Variants in LCORL observed in about 807,000 individuals in gnomAD.
LCORL encodes the protein ligand-dependent nuclear receptor corepressor-like protein.
A neutral mutation model predicts 141.8 loss-of-function variants in LCORL; 41 were observed. That is an observed-to-expected ratio of 0.29 (90% confidence interval 0.23 to 0.38). LCORL has a LOEUF of 0.38. Among genes scored for constraint, LCORL ranks in the 10% least tolerant of loss-of-function variants. The probability of loss-of-function intolerance (pLI) is 1.00; values close to 1 mark genes in which losing one functional copy is unlikely to be tolerated. For missense variants in LCORL, 1,759 were observed against 2,035.0 expected, an observed-to-expected ratio of 0.86 and a Z score of 2.61; for synonymous variants, 618 against 694.1, an observed-to-expected ratio of 0.89 and a Z score of 1.72.
At chr4:17,870,751 T>C (rs1726247826) in intron 7 of LCORL, among the ~76,000 whole-genome samples, 1 of 152,216 alleles carries the variant, frequency 6.6e-6, no homozygotes, top group Non-Finnish European at 1.5e-5. Flanking sequence ...CCTTCCACAG[T>C]GCTTAAGAGC....
At chr4:17,845,335 C>G (rs1355981170) in exon 8 of LCORL, 1 of 156,800 alleles carries the variant, frequency 6.4e-6, no homozygotes, top group Non-Finnish European at 1.4e-5. Flanking sequence ...AGTTGGTATC[C>G]ACCTGTTTTA....
intron 5 of LCORL, among the ~76,000 whole-genome samples, chr4:17,887,805 G>A (rs1728499189): frequency 6.6e-6 from 1 of 152,132 alleles, no homozygotes; most frequent in Non-Finnish European, 1.5e-5. Flanking sequence ...AGGTGGAGCA[G>A]GGAAACCTGC....
At chr4:18,011,146 T>C (rs1432942186) in intron 1 of LCORL, among the ~76,000 whole-genome samples, 1 of 152,164 alleles carries the variant, frequency 6.6e-6, no homozygotes, top group Admixed American at 6.5e-5. Flanking sequence ...GACTCCCCCA[T>C]CAAGCTATTC....
chr4:17,851,023 C>G (rs13146654), intron 7 of LCORL, among the ~76,000 whole-genome samples: 7,182 of 146,354 alleles, frequency 0.049, 511 homozygotes, highest in African/African-American at 0.17. Context: ...TAAACTATCG[C>G]AAGAACAAAA....
At chr4:17,886,305 G>A in intron 5 of LCORL, 144 bp from the exon 6 acceptor site, 1 of 574,560 alleles carries the variant, frequency 1.7e-6, no homozygotes, top group East Asian at 3.1e-5. Context: ...ACGGGTTTAG[G>A]AACAGGATAT....
intron 7 of LCORL, among the ~76,000 whole-genome samples, chr4:17,862,612 A>G (rs767200999): frequency 6.6e-6 from 1 of 152,244 alleles, no homozygotes; most frequent in African/African-American, 2.4e-5. Context: ...TGACAAAAAC[A>G]AGCAATAGAA....
intron 4 of LCORL, among the ~76,000 whole-genome samples, chr4:17,913,989 T>A (rs1732982881): frequency 6.6e-6 from 1 of 152,262 alleles, no homozygotes; most frequent in African/African-American, 2.4e-5. Context: ...ACGAACTTTT[T>A]AAAGTCCCCT....
rs190685877 is a variant in LCORL at position 18,008,866 on chromosome 4, T to C, written c.154+12732A>G. ...CTAATGACACTGTTTTTAAATACTT[T>C]TATGTTTTAACAATCTTTAACTTAA... On this transcript the variant is annotated intron_variant, in intron 1 of 7. Coordinates refer to ENST00000635767, the Ensembl canonical transcript of LCORL. Among the ~76,000 whole-genome samples the C allele has an allele frequency of 7.2e-5, 11 of 152,286 alleles. No homozygotes were observed. The East Asian group carries it at 1.5e-3, about 21-fold the overall frequency.
chr4:18,019,141 C>T (rs1008724350), intron 1 of LCORL, among the ~76,000 whole-genome samples: 3 of 152,160 alleles, frequency 2.0e-5, no homozygotes, highest in Non-Finnish European at 2.9e-5. Flanking sequence ...GGATTCGAGA[C>T]CAGCCTGGCC....
intron 1 of LCORL, among the ~76,000 whole-genome samples, chr4:17,984,906 C>T (rs978411474): frequency 3.3e-5 from 5 of 152,058 alleles, no homozygotes; most frequent in African/African-American, 9.7e-5. Context: ...CTACAAATTT[C>T]TCTCTTAACA....
intron 7 of LCORL, among the ~76,000 whole-genome samples, chr4:17,860,947 G>C (rs1724934952): frequency 6.6e-6 from 1 of 152,142 alleles, no homozygotes; most frequent in Non-Finnish European, 1.5e-5. Flanking sequence ...CATGGTCTTG[G>C]GCAGCTCCAC....
At chr4:17,990,817 T>C (rs1393716662) in intron 1 of LCORL, among the ~76,000 whole-genome samples, 1 of 152,068 alleles carries the variant, frequency 6.6e-6, no homozygotes, top group Non-Finnish European at 1.5e-5. Flanking sequence ...GATTAAAAAC[T>C]AGGTGTCAAA....
At chr4:17,875,388 G>C in exon 7 of LCORL, 2 of 1,231,290 alleles carry the variant, frequency 1.6e-6, no homozygotes, top group Admixed American at 4.2e-5. Flanking sequence ...AGTCAAGCTT[G>C]CTACAGCACT....
At chr4:17,952,574 C>T (rs1711621164) in intron 4 of LCORL, among the ~76,000 whole-genome samples, 2 of 152,140 alleles carry the variant, frequency 1.3e-5, no homozygotes, top group African/African-American at 4.8e-5. Context: ...CGCCACCACG[C>T]CCGGCTAATT....
At chr4:17,887,710 A>C (rs1728483270) in intron 5 of LCORL, among the ~76,000 whole-genome samples, 1 of 152,160 alleles carries the variant, frequency 6.6e-6, no homozygotes, top group South Asian at 2.1e-4. Context: ...GCCACTGGAG[A>C]ATTCTGGGTG....
At chr4:17,911,886 G>C in intron 4 of LCORL, 1 of 483,916 alleles carries the variant, frequency 2.1e-6, no homozygotes, top group Non-Finnish European at 4.0e-6. Flanking sequence ...CCGGGGGTCT[G>C]GCAGGAAAGG....
chr4:17,919,492 T>A (rs1291716988), intron 4 of LCORL, among the ~76,000 whole-genome samples: 1 of 152,194 alleles, frequency 6.6e-6, no homozygotes, highest in African/African-American at 2.4e-5. Context: ...GCAGGTTCAG[T>A]TCCAGATGAC....
chr4:17,972,751 G>T, intron 2 of LCORL, 69 bp downstream of exon 2: 1 of 656,436 alleles, frequency 1.5e-6, no homozygotes, highest in Non-Finnish European at 2.3e-6. Context: ...AGTTAGTATA[G>T]AACAACAATT....
exon 8 of LCORL, chr4:17,843,430 G>C (rs1285186091): frequency 6.2e-7 from 1 of 1,610,344 alleles, no homozygotes; most frequent in Non-Finnish European, 8.5e-7. Flanking sequence ...AGTTAGGAAA[G>C]ACGATGGAGG....
Sources: allele counts gnomAD v4.1 joint callset (sites outside exome capture counted in the v4.1 genomes callset), GRCh38; gene constraint gnomAD v4.1.1; transcripts MANE v1.5; gene names NCBI Gene and HGNC (gene_info 2026-07-23, HGNC 2026-07-21).